ZZZ3: variants seen among roughly 807,000 people sequenced by gnomAD.
The protein encoded by ZZZ3 is zinc finger ZZ-type containing 3.
Under a neutral mutation model 95.2 loss-of-function variants are expected in ZZZ3, and 22 were observed. The observed-to-expected ratio is 0.23, with a 90% CI of 0.17 to 0.33. The LOEUF is 0.33. ZZZ3 is among the 10% of genes least tolerant of loss of function. ZZZ3 has a pLI of 1.00. For missense variants in ZZZ3, 885 were observed against 1,066.5 expected, an observed-to-expected ratio of 0.83 and a Z score of 2.37; for synonymous variants, 335 against 358.9, an observed-to-expected ratio of 0.93 and a Z score of 0.75.
Position 77,582,117 on chromosome 1 carries a change from C to G in ZZZ3, c.1654G>C (p.Gly552Arg). 1.1e-5 allele frequency: 17 copies of G among 1,597,970 alleles called. No homozygotes were observed. Among genetic ancestry groups the G allele is most frequent in the Non-Finnish European group, 1.4e-5 (16 of 1,174,712 alleles). Residue 552 changes from glycine to arginine, a missense_variant, in exon 7 of 15, where the codon GGG (glycine) becomes CGG (arginine). Physicochemically the swap from Gly to Arg is moderately radical, Grantham distance 125 (BLOSUM62 -2). Transcript: ENST00000370801. ...VEKLQKKADI[G>R]LPYPQRVVQL... ...ACAACTCTCTGTGGATATGGAAGCC[C>G]AATATCAGCCTGGAGGCAGGGGAGA...
At chr1:77,675,938 T>C (rs1273786967) in intron 1 of ZZZ3, among the ~76,000 whole-genome samples, 5 of 152,224 alleles carry the variant, frequency 3.3e-5, no homozygotes, top group Non-Finnish European at 7.3e-5. Context: ...ATGTATCATA[T>C]TGCTATCTCA....
chr1:77,646,611 T>A (rs959352445), intron 1 of ZZZ3, among the ~76,000 whole-genome samples: 1 of 152,200 alleles, frequency 6.6e-6, no homozygotes, highest in African/African-American at 2.4e-5. Flanking sequence ...AAGAGACTTA[T>A]GCTTCTTGCC....
intron 1 of ZZZ3, among the ~76,000 whole-genome samples, chr1:77,674,677 T>G (rs1672094898): frequency 6.6e-6 from 1 of 151,744 alleles, no homozygotes; most frequent in Non-Finnish European, 1.5e-5. Flanking sequence ...ATTGGCCGGG[T>G]GCAGTGGCTC....
intron 5 of ZZZ3, among the ~76,000 whole-genome samples, chr1:77,626,946 T>C (rs188309507): frequency 2.6e-5 from 4 of 152,260 alleles, no homozygotes; most frequent in Admixed American, 1.3e-4. Flanking sequence ...ATTCAATAAA[T>C]AAAGCAAAGT....
intron 1 of ZZZ3, among the ~76,000 whole-genome samples, chr1:77,663,130 A>T (rs1407407918): frequency 6.6e-6 from 1 of 152,044 alleles, no homozygotes; most frequent in East Asian, 1.9e-4. Flanking sequence ...AAAAAAAAAA[A>T]TTTGACTAAC....
chr1:77,620,069 A>G (rs1479334602), intron 5 of ZZZ3, among the ~76,000 whole-genome samples: 1 of 152,182 alleles, frequency 6.6e-6, no homozygotes, highest in Non-Finnish European at 1.5e-5. Context: ...GCACACAAGG[A>G]GCAACTAATA....
At chr1:77,603,991 C>G (rs1664986925) in intron 5 of ZZZ3, among the ~76,000 whole-genome samples, 1 of 151,966 alleles carries the variant, frequency 6.6e-6, no homozygotes, top group Non-Finnish European at 1.5e-5. Flanking sequence ...TAGTGAGAAC[C>G]CATCTCTACA....
chr1:77,564,036 T>G lies in ZZZ3; in HGVS notation c.*1604A>C, dbSNP rs768091781. ...TAAAATAGGAAAAAACAGGTGATTC[T>G]AAAAATTGGGTCAAATATAACAATC... On this transcript the variant is annotated 3_prime_UTR_variant, in exon 15 of 15. Transcript: ENST00000370801. 1 of 152,124 alleles carries G rather than the reference T, an allele frequency of 6.6e-6. No individual in the cohort carries two copies. The highest frequency in any genetic ancestry group is 1.5e-5 in the Non-Finnish European group (1 of 67,994). The allele number at this position is 152,124 out of a possible 1,614,324, so 9.4% of individuals were successfully genotyped here. A position where few individuals can be genotyped will look rare whatever the true frequency, so the allele number is the denominator to read the frequency against.
At chr1:77,579,296 T>A (rs530232191) in intron 10 of ZZZ3, among the ~76,000 whole-genome samples, 1 of 152,216 alleles carries the variant, frequency 6.6e-6, no homozygotes, top group Non-Finnish European at 1.5e-5. Flanking sequence ...AGAAATTAAG[T>A]CCATTATATG....
At chr1:77,575,007 A>AC (rs996728363) in intron 12 of ZZZ3, among the ~76,000 whole-genome samples, 160 of 151,446 alleles carry the variant, frequency 1.1e-3, no homozygotes, top group African/African-American at 3.6e-3. Flanking sequence ...AACATAGTGA[A>AC]CCCCCGCCTC....
chr1:77,612,553 A>G (rs1557725406), intron 5 of ZZZ3, among the ~76,000 whole-genome samples: 1 of 152,096 alleles, frequency 6.6e-6, no homozygotes, highest in Non-Finnish European at 1.5e-5. Flanking sequence ...CCATTGACAG[A>G]CAACGGACAA....
At chr1:77,670,274 G>C (rs1164161635) in intron 1 of ZZZ3, among the ~76,000 whole-genome samples, 4 of 148,628 alleles carry the variant, frequency 2.7e-5, no homozygotes, top group Non-Finnish European at 4.5e-5. Flanking sequence ...TTTTTTTTTG[G>C]GGGGGGGCAG....
intron 5 of ZZZ3, among the ~76,000 whole-genome samples, chr1:77,610,677 T>TAC (rs1665703995): frequency 6.6e-6 from 1 of 151,748 alleles, no homozygotes; most frequent in Admixed American, 6.6e-5. Context: ...ATCAATGCGA[T>TAC]ACATCATATC....
At chr1:77,640,189 G>T (rs1272395382) in intron 3 of ZZZ3, among the ~76,000 whole-genome samples, 1 of 151,942 alleles carries the variant, frequency 6.6e-6, no homozygotes, top group Admixed American at 6.6e-5. Context: ...GAACAACAAG[G>T]ATTTTCCGGT....
intron 1 of ZZZ3, among the ~76,000 whole-genome samples, chr1:77,679,165 T>C (rs897357008): frequency 4.6e-5 from 7 of 152,202 alleles, no homozygotes; most frequent in Non-Finnish European, 5.9e-5. Flanking sequence ...ATTATAGTGG[T>C]TATCAGAGCA....
chr1:77,588,429 T>A (rs140027107), intron 5 of ZZZ3, among the ~76,000 whole-genome samples: 2 of 151,918 alleles, frequency 1.3e-5, no homozygotes, highest in Admixed American at 6.5e-5. Context: ...CCACTTCCAT[T>A]TTTACTTAAC....
intron 5 of ZZZ3, among the ~76,000 whole-genome samples, chr1:77,611,902 C>A (rs1261214996): frequency 6.6e-6 from 1 of 151,860 alleles, no homozygotes; most frequent in Non-Finnish European, 1.5e-5. Context: ...GAAAGTTCCT[C>A]AACATTGGTG....
chr1:77,591,787 A>G (rs558368578), intron 5 of ZZZ3, among the ~76,000 whole-genome samples: 1 of 152,314 alleles, frequency 6.6e-6, no homozygotes, highest in African/African-American at 2.4e-5. Context: ...TAAAACCCTG[A>G]ATTTAAAATG....
At chr1:77,679,133 TGA>T (rs921679269) in intron 1 of ZZZ3, among the ~76,000 whole-genome samples, 4 of 152,190 alleles carry the variant, frequency 2.6e-5, no homozygotes, top group African/African-American at 9.7e-5. Context: ...AAATATTTAC[TGA>T]GAGTGGTTTT....
Sources: gnomAD v4.1 joint callset for allele counts (sites outside exome capture counted in the v4.1 genomes callset) on GRCh38, gnomAD v4.1.1 for gene constraint, MANE v1.5 for transcripts, NCBI Gene and HGNC (gene_info 2026-07-23, HGNC 2026-07-21) for gene names.